The following RNF138 variants were observed in gnomAD, a reference collection of about 807,000 sequenced individuals.
RNF138 encodes ring finger protein 138.
In RNF138, 12 loss-of-function variants were observed where a neutral mutation model predicts 31.0. The ratio of observed to expected loss-of-function variants is 0.39; its 90% CI spans 0.25 to 0.63. The LOEUF (loss-of-function observed/expected upper bound fraction) is 0.63. RNF138 is among the 20% of genes least tolerant of loss of function. The probability of loss-of-function intolerance (pLI) is 0.52; values close to 1 mark genes in which losing one functional copy is unlikely to be tolerated. For synonymous variants in RNF138, 105 were observed against 99.5 expected (o/e 1.06, Z -0.33); for missense variants, 192 against 300.1 (o/e 0.64, Z 2.66).
chr18:32,130,098 GTA>G lies in RNF138; in HGVS notation c.*918_*919del, dbSNP rs1473909490. The G allele has an allele frequency of 1.3e-5, 2 of 152,304 alleles. No homozygotes were observed. The highest frequency in any genetic ancestry group is 2.9e-5 in the Non-Finnish European group (2 of 67,892). The allele number at this position is 152,304 out of a possible 1,614,324, so 9.4% of individuals were successfully genotyped here. A position where few individuals can be genotyped will look rare whatever the true frequency, so the allele number is the denominator to read the frequency against. The stretch of plus-strand genomic sequence containing the variant: ...TGTATATATACATATACTTTTGTGT[GTA>G]TATATACACATATGTGTGTATGCAG... On this transcript the variant is annotated 3_prime_UTR_variant, in exon 8 of 8. Coordinates refer to ENST00000261593, the MANE Select transcript of RNF138 (RefSeq NM_016271.5).
chr18:32,127,168 T>C (rs2040397175), intron 7 of RNF138, among the ~76,000 whole-genome samples: 1 of 152,322 alleles, frequency 6.6e-6, no homozygotes, highest in East Asian at 1.9e-4. Context: ...AAGTTGCTTG[T>C]ATTATGCTAG....
chr18:32,119,982 A>T (rs1222984113), intron 4 of RNF138, among the ~76,000 whole-genome samples: 1 of 152,066 alleles, frequency 6.6e-6, no homozygotes, highest in Non-Finnish European at 1.5e-5. Context: ...TGATTCTTTT[A>T]GATTTATTAT....
intron 2 of RNF138, among the ~76,000 whole-genome samples, chr18:32,103,967 A>G (rs1421145332): frequency 6.7e-6 from 1 of 149,674 alleles, no homozygotes; most frequent in Admixed American, 6.7e-5. Flanking sequence ...TCCGTCTCAG[A>G]AAAAAAAAAG....
chr18:32,114,295 AC>A (rs2040180763), intron 4 of RNF138, among the ~76,000 whole-genome samples: 1 of 152,142 alleles, frequency 6.6e-6, no homozygotes, highest in African/African-American at 2.4e-5. Flanking sequence ...TAAAAATGAA[AC>A]CAGGTGCAGT....
At position 32,124,381 on chromosome 18, in the gene RNF138, A is replaced by C. The variant is rs143080355; in HGVS notation, c.450-353A>C. On this transcript the variant is annotated intron_variant, in intron 5 of 7. Transcript: ENST00000261593. ...AATGTGGAATACTACAGAATATTAA[A>C]AATTTTCAAGGGACATACAGTGACA... is the stretch of plus-strand genomic sequence containing the variant. The C allele has an allele frequency of 6.6e-4, 113 of 170,914 alleles. No homozygotes were observed. The East Asian group carries it at 0.016, about 24-fold the overall frequency. The allele number at this position is 170,914 out of a possible 1,614,324, so 10.6% of individuals were successfully genotyped here.
chr18:32,108,639 A>C (rs184193835), intron 2 of RNF138, among the ~76,000 whole-genome samples: 143 of 152,086 alleles, frequency 9.4e-4, no homozygotes, highest in African/African-American at 3.4e-3. Context: ...CTTTCTAGCA[A>C]ATTTTTTCTG....
intron 4 of RNF138, among the ~76,000 whole-genome samples, chr18:32,114,719 A>G (rs969001884): frequency 5.9e-5 from 9 of 152,230 alleles, no homozygotes; most frequent in Non-Finnish European, 1.2e-4. Flanking sequence ...ACTATTATAG[A>G]AAGGTTCCCA....
At chr18:32,107,269 C>T (rs1180824259) in intron 2 of RNF138, among the ~76,000 whole-genome samples, 4 of 149,796 alleles carry the variant, frequency 2.7e-5, no homozygotes, top group Admixed American at 6.7e-5. Flanking sequence ...TACAGGTGCA[C>T]GCTGCCACGC....
At chr18:32,102,467 C>T (rs1029271996) in intron 2 of RNF138, among the ~76,000 whole-genome samples, 1 of 151,850 alleles carries the variant, frequency 6.6e-6, no homozygotes, top group African/African-American at 2.4e-5. Flanking sequence ...TCCCAAAGTA[C>T]TGGGATTACA....
intron 2 of RNF138, among the ~76,000 whole-genome samples, chr18:32,104,186 G>A (rs946179232): frequency 5.3e-5 from 8 of 151,586 alleles, no homozygotes; most frequent in Admixed American, 1.3e-4. Context: ...GCGAATTTTT[G>A]TATTTTAGTA....
chr18:32,096,273 G>A (rs1215962049), intron 2 of RNF138, among the ~76,000 whole-genome samples: 1 of 152,218 alleles, frequency 6.6e-6, no homozygotes, highest in Non-Finnish European at 1.5e-5. Context: ...CAGCTTGGTA[G>A]TGGTGAGACT....
At chr18:32,113,016 C>T (rs759212825) in intron 3 of RNF138, among the ~76,000 whole-genome samples, 3 of 152,152 alleles carry the variant, frequency 2.0e-5, no homozygotes, top group Non-Finnish European at 2.9e-5. Context: ...AAAACACACT[C>T]GAGAGATTCT....
chr18:32,107,198 G>A (rs1255740695), intron 2 of RNF138, among the ~76,000 whole-genome samples: 2 of 133,520 alleles, frequency 1.5e-5, no homozygotes, highest in Non-Finnish European at 3.0e-5. Flanking sequence ...TCGGCTCCCT[G>A]CAACCTCTGC....
At position 32,092,072 on chromosome 18, in the gene RNF138, G is replaced by A. The variant is rs187700507; in HGVS notation, c.-241G>A. 1,544 of 152,644 alleles carry A rather than the reference G, an allele frequency of 0.01. 4 individuals carry two copies. The highest frequency in any genetic ancestry group is 0.017 in the Non-Finnish European group (1,149 of 68,236). 9.5% of individuals were successfully genotyped at this position (152,644 alleles called of 1,614,324 possible). On this transcript the variant is annotated 5_prime_UTR_variant, in exon 1 of 8. Coordinates refer to ENST00000261593, the MANE Select transcript of RNF138 (RefSeq NM_016271.5). Reference sequence around the variant, plus strand: ...ATGAGCCTCGGCTCCGGCCCCGTTAGGGGCCGATAAGCACAGCGCACGCCG... The same window carrying A: ...ATGAGCCTCGGCTCCGGCCCCGTTAAGGGCCGATAAGCACAGCGCACGCCG...
intron 6 of RNF138, 54 bp from the exon 7 acceptor site, chr18:32,126,639 A>T: frequency 5.5e-6 from 6 of 1,091,122 alleles, no homozygotes; most frequent in Non-Finnish European, 8.3e-6. Context: ...TGTCAATTGT[A>T]TAATATTTCA....
chr18:32,127,904 C>G (rs148740449), intron 7 of RNF138, among the ~76,000 whole-genome samples: 5,319 of 152,032 alleles, frequency 0.035, 145 homozygotes, highest in Non-Finnish European at 0.053. Flanking sequence ...CACGGTGAAA[C>G]CCCGTCTTTA....
chr18:32,113,599 C>T, intron 3 of RNF138, 146 bp from the exon 4 acceptor site: 2 of 492,714 alleles, frequency 4.1e-6, no homozygotes, highest in Middle Eastern at 5.2e-4. Context: ...TTAACTCCTA[C>T]TTAAGGATGA....
chr18:32,103,534 C>G (rs371299342), intron 2 of RNF138, among the ~76,000 whole-genome samples: 47 of 151,196 alleles, frequency 3.1e-4, no homozygotes, highest in African/African-American at 1.0e-3. Context: ...ACCTGATATT[C>G]AAGGCACCAA....
Position 32,111,997 on chromosome 18 carries a change from G to T in RNF138, c.276+78G>T, listed in dbSNP as rs2144241301. The T allele has an allele frequency of 6.7e-6, 8 of 1,202,212 alleles. No individual in the cohort carries two copies. The East Asian group carries it at 1.1e-4, about 17-fold the overall frequency. The allele number at this position is 1,202,212 out of a possible 1,614,324, so 74.5% of individuals were successfully genotyped here. A position where few individuals can be genotyped will look rare whatever the true frequency, so the allele number is the denominator to read the frequency against. ...ATTCTTATTTGAATTTTCTTGGTTG[G>T]TGTTTTTTTTTTTTTTGAAAAGATG... On this transcript the variant is annotated intron_variant, in intron 3 of 7. Transcript: ENST00000261593.
Sources: allele counts gnomAD v4.1 joint callset (sites outside exome capture counted in the v4.1 genomes callset), GRCh38; gene constraint gnomAD v4.1.1; transcripts MANE v1.5; gene names NCBI Gene and HGNC (gene_info 2026-07-23, HGNC 2026-07-21).